CNTNAP5: variants seen among roughly 807,000 people sequenced by gnomAD.
The protein encoded by CNTNAP5 is contactin associated protein family member 5.
Under a neutral mutation model 150.2 loss-of-function variants are expected in CNTNAP5, and 72 were observed. That is an observed-to-expected ratio of 0.48 (90% CI 0.40 to 0.58). The LOEUF (loss-of-function observed/expected upper bound fraction) is 0.58, where lower values mean the gene tolerates loss of function less well. Ranked by LOEUF, CNTNAP5 falls within the 20% of genes least tolerant of loss-of-function variation. CNTNAP5 has a pLI of 0.00. For missense variants in CNTNAP5, 1,636 were observed against 1,626.2 expected, an observed-to-expected ratio of 1.01 and a Z score of -0.10; for synonymous variants, 672 against 619.8, an observed-to-expected ratio of 1.08 and a Z score of -1.25.
intron 8 of CNTNAP5, among the ~76,000 whole-genome samples, chr2:124,519,279 T>C (rs1225680807): frequency 1.3e-5 from 2 of 152,136 alleles, no homozygotes; most frequent in African/African-American, 4.8e-5. Flanking sequence ...GTAGTGATTG[T>C]ATAACTCTGA....
At chr2:124,634,766 A>C (rs1032890591) in intron 12 of CNTNAP5, among the ~76,000 whole-genome samples, 3 of 152,122 alleles carry the variant, frequency 2.0e-5, no homozygotes, top group Non-Finnish European at 4.4e-5. Flanking sequence ...TGCTTCCCAA[A>C]GTGTTAGGAT....
intron 11 of CNTNAP5, among the ~76,000 whole-genome samples, chr2:124,608,660 G>T (rs114430261): frequency 0.027 from 4,186 of 152,264 alleles, 63 homozygotes; most frequent in African/African-American, 0.04. Context: ...AAATAAGACA[G>T]TCTGGGCCAG....
chr2:124,479,354 C>T (rs1449050267), intron 7 of CNTNAP5, among the ~76,000 whole-genome samples: 2 of 152,274 alleles, frequency 1.3e-5, no homozygotes, highest in South Asian at 2.1e-4. Flanking sequence ...TCTTCTATCT[C>T]TTCTCCCAGA....
intron 2 of CNTNAP5, among the ~76,000 whole-genome samples, chr2:124,224,578 G>A (rs145737265): frequency 1.4e-3 from 215 of 151,718 alleles, no homozygotes; most frequent in African/African-American, 5.1e-3. Flanking sequence ...ACAAAGAGGT[G>A]GATATATACA....
chr2:124,762,442 A>C (rs1680978809), intron 14 of CNTNAP5, among the ~76,000 whole-genome samples: 1 of 152,084 alleles, frequency 6.6e-6, no homozygotes, highest in Non-Finnish European at 1.5e-5. Context: ...TAAAAAGATA[A>C]ATTGACTTGC....
chr2:124,700,551 T>G (rs1161917654), intron 13 of CNTNAP5, among the ~76,000 whole-genome samples: 2 of 152,118 alleles, frequency 1.3e-5, no homozygotes, highest in Non-Finnish European at 2.9e-5. Flanking sequence ...GTTATCCTAG[T>G]GGGTGTGAAA....
chr2:124,485,835 C>A (rs1693868049), intron 7 of CNTNAP5, among the ~76,000 whole-genome samples: 1 of 152,000 alleles, frequency 6.6e-6, no homozygotes, highest in South Asian at 2.1e-4. Context: ...GCCTCTGTCA[C>A]CCTGCAGCGG....
intron 3 of CNTNAP5, among the ~76,000 whole-genome samples, chr2:124,304,236 T>A (rs1188310747): frequency 6.6e-6 from 1 of 152,140 alleles, no homozygotes; most frequent in Non-Finnish European, 1.5e-5. Context: ...TAATTATAAT[T>A]TCTATGCTAA....
rs1261210270 is a variant in CNTNAP5, at chr2:124,444,053, C to T, written c.734-2700C>T. On this transcript the variant is annotated intron_variant, in intron 5 of 23. Coordinates refer to ENST00000682447, the MANE Select transcript of CNTNAP5 (RefSeq NM_001367498.1). The stretch of plus-strand genomic sequence containing the variant: ...CATAGTTTCCTTCAGCCAATGTTAG[C>T]TCCTGAGTCATTTCATTTTATACAT... Among the ~76,000 whole-genome samples, 4 of 152,064 alleles carry T rather than the reference C, an allele frequency of 2.6e-5. No homozygotes were observed. The East Asian group carries it at 5.8e-4, about 22-fold the overall frequency.
intron 13 of CNTNAP5, among the ~76,000 whole-genome samples, chr2:124,720,242 T>G (rs79157620): frequency 0.045 from 6,836 of 152,310 alleles, 545 homozygotes; most frequent in African/African-American, 0.16. Context: ...GTATAGCCTG[T>G]ATTTTTGCTG....
intron 11 of CNTNAP5, among the ~76,000 whole-genome samples, chr2:124,585,780 CT>C (rs1391819069): frequency 4.0e-5 from 6 of 150,778 alleles, no homozygotes; most frequent in Admixed American, 3.3e-4. Context: ...TTTTAGTACC[CT>C]TCAAAGAAAA....
chr2:124,471,057 CTT>C (rs1693502448), intron 6 of CNTNAP5, among the ~76,000 whole-genome samples: 1 of 152,174 alleles, frequency 6.6e-6, no homozygotes, highest in Non-Finnish European at 1.5e-5. Context: ...TATTCAAACT[CTT>C]TTTTCGTTTC....
chr2:124,115,792 T>TTGTGTGTGTGTG (rs5834038), intron 1 of CNTNAP5, among the ~76,000 whole-genome samples: 3,563 of 138,248 alleles, frequency 0.026, 74 homozygotes, highest in East Asian at 0.091. Flanking sequence ...GCCTGGCTAA[T>TTGTGTGTGTGTG]TGTGTGTGTG....
chr2:124,211,897 T>C (rs1463889415), intron 1 of CNTNAP5, among the ~76,000 whole-genome samples: 2 of 152,198 alleles, frequency 1.3e-5, no homozygotes, highest in African/African-American at 2.4e-5. Context: ...AAGATCATGG[T>C]TTCCTGAGAA....
At chr2:124,771,164 G>T (rs1397786623) in intron 16 of CNTNAP5, among the ~76,000 whole-genome samples, 2 of 152,048 alleles carry the variant, frequency 1.3e-5, no homozygotes, top group Non-Finnish European at 2.9e-5. Context: ...TTGTCTTTTG[G>T]CATTTCCGAT....
At chr2:124,480,229 A>G (rs1260309757) in intron 7 of CNTNAP5, among the ~76,000 whole-genome samples, 1 of 152,192 alleles carries the variant, frequency 6.6e-6, no homozygotes, top group East Asian at 1.9e-4. Flanking sequence ...AGAAAATTTG[A>G]TGAAAATCAT....
At chr2:124,696,316 T>C (rs1679406519) in intron 13 of CNTNAP5, among the ~76,000 whole-genome samples, 2 of 152,348 alleles carry the variant, frequency 1.3e-5, no homozygotes, top group South Asian at 4.1e-4. Context: ...CTTTCCCTTA[T>C]GCCTTCTGCA....
intron 21 of CNTNAP5, among the ~76,000 whole-genome samples, chr2:124,894,427 T>G (rs1678262339): frequency 6.6e-6 from 1 of 151,540 alleles, no homozygotes; most frequent in African/African-American, 2.4e-5. Flanking sequence ...CATGAGTCAT[T>G]TATTCTGACT....
At position 124,490,337 on chromosome 2, in the gene CNTNAP5, G is replaced by GA. The variant is rs543971076; in HGVS notation, c.1063-13945dup. Among the ~76,000 whole-genome samples, 599 of 76,334 alleles carry GA rather than the reference G, an allele frequency of 7.8e-3. 5 individuals carry two copies. The highest frequency in any genetic ancestry group is 0.029 in the African/African-American group (560 of 19,446). 50.1% of individuals were successfully genotyped at this position (76,334 alleles called of 152,430 possible). A position where few individuals can be genotyped will look rare whatever the true frequency, so the allele number is the denominator to read the frequency against. On this transcript the variant is annotated intron_variant, in intron 7 of 23. Transcript: ENST00000682447. ...CAACAGAGCATTGTTGTCCATTTCA[G>GA]AAAAAAAAAAGAAGAAAGAAAGAGA...
Sources: gnomAD v4.1 joint callset for allele counts (sites outside exome capture counted in the v4.1 genomes callset) on GRCh38, gnomAD v4.1.1 for gene constraint, MANE v1.5 for transcripts, NCBI Gene and HGNC (gene_info 2026-07-23, HGNC 2026-07-21) for gene names.